ADARB2: variants seen among roughly 807,000 people sequenced by gnomAD.
ADARB2 encodes the protein adenosine deaminase RNA specific B2 (inactive).
Under a neutral mutation model 62.2 loss-of-function variants are expected in ADARB2, and 25 were observed. The observed-to-expected ratio is 0.40, with a 90% CI of 0.29 to 0.56. The LOEUF (loss-of-function observed/expected upper bound fraction) is 0.56, where lower values mean the gene tolerates loss of function less well. Among genes scored for constraint, ADARB2 ranks in the 20% least tolerant of loss-of-function variants. The pLI is 0.43. For missense variants in ADARB2, 1,071 were observed against 1,077.4 expected, an observed-to-expected ratio of 0.99 and a Z score of 0.08; for synonymous variants, 572 against 500.8, an observed-to-expected ratio of 1.14 and a Z score of -1.90.
At chr10:1,285,781 A>G (rs1467171311) in intron 3 of ADARB2, among the ~76,000 whole-genome samples, 2 of 152,194 alleles carry the variant, frequency 1.3e-5, no homozygotes, top group Non-Finnish European at 2.9e-5. Flanking sequence ...CTCATTTCCA[A>G]CACTAATATT....
chr10:1,589,662 A>C (rs1833226627), intron 1 of ADARB2, among the ~76,000 whole-genome samples: 1 of 152,044 alleles, frequency 6.6e-6, no homozygotes, highest in South Asian at 2.1e-4. Flanking sequence ...CCCATGTTTC[A>C]GGAGGTTTTT....
At chr10:1,642,795 T>G (rs948409865) in intron 1 of ADARB2, among the ~76,000 whole-genome samples, 4 of 151,666 alleles carry the variant, frequency 2.6e-5, no homozygotes, top group Non-Finnish European at 5.9e-5. Flanking sequence ...CCACTCACAC[T>G]CAGTATTCAG....
At position 1,664,559 on chromosome 10, in the gene ADARB2, T is replaced by C. The variant is rs1834290260; in HGVS notation, c.100+72492A>G. Among the ~76,000 whole-genome samples the C allele has an allele frequency of 2.0e-5, 3 of 152,198 alleles. No homozygotes were observed. In the South Asian group the frequency reaches 6.2e-4, roughly 32 times the overall value. On this transcript the variant is annotated intron_variant, in intron 1 of 9. Coordinates refer to ENST00000381312, the MANE Select transcript of ADARB2 (RefSeq NM_018702.4). ...CATTTCACGAATGGCCTTTAGCAGT[T>C]GGTAAGAAGAATTGCTGTTTACGGC... is the stretch of plus-strand genomic sequence containing the variant.
chr10:1,194,980 A>G (rs1455851232), intron 8 of ADARB2, among the ~76,000 whole-genome samples: 3 of 152,206 alleles, frequency 2.0e-5, no homozygotes, highest in Admixed American at 2.0e-4. Context: ...CTAATGAGTA[A>G]GAGGACCATC....
chr10:1,412,539 G>A (rs1245125521), intron 1 of ADARB2, among the ~76,000 whole-genome samples: 1 of 152,078 alleles, frequency 6.6e-6, no homozygotes, highest in Non-Finnish European at 1.5e-5. Context: ...GTCCAAAACA[G>A]CAGAAAATAT....
chr10:1,224,874 GA>G lies in ADARB2; in HGVS notation c.1514-7756del, dbSNP rs1296017759. Among the ~76,000 whole-genome samples the G allele has an allele frequency of 4.6e-5, 7 of 152,238 alleles. No homozygotes were observed. The East Asian group carries it at 1.2e-3, about 25-fold the overall frequency. The stretch of plus-strand genomic sequence containing the variant: ...TTTGGAGTAGGTGTGGTGTGGTGCT[GA>G]AAAAAATGTATATTCTGTTGATTTG... On this transcript the variant is annotated intron_variant, in intron 6 of 9. Coordinates refer to ENST00000381312, the MANE Select transcript of ADARB2 (RefSeq NM_018702.4).
chr10:1,562,402 CG>C (rs1268319069), intron 1 of ADARB2, among the ~76,000 whole-genome samples: 3 of 152,140 alleles, frequency 2.0e-5, no homozygotes, highest in African/African-American at 7.2e-5. Context: ...CTCCTAGTTA[CG>C]AGCCTCACTC....
intron 3 of ADARB2, among the ~76,000 whole-genome samples, chr10:1,326,433 A>C (rs569493952): frequency 1.4e-4 from 21 of 152,356 alleles, no homozygotes; most frequent in African/African-American, 4.8e-4. Flanking sequence ...CTGGCAGGAA[A>C]GGCGAGACCC....
chr10:1,632,345 A>G (rs1007177408), intron 1 of ADARB2, among the ~76,000 whole-genome samples: 1 of 152,088 alleles, frequency 6.6e-6, no homozygotes, highest in African/African-American at 2.4e-5. Context: ...ACACATGCAC[A>G]CACAGTACAC....
At chr10:1,602,889 G>C (rs960928915) in intron 1 of ADARB2, among the ~76,000 whole-genome samples, 2 of 150,794 alleles carry the variant, frequency 1.3e-5, no homozygotes, top group Non-Finnish European at 3.0e-5. Flanking sequence ...ACACACACTT[G>C]TACATACACA....
intron 1 of ADARB2, among the ~76,000 whole-genome samples, chr10:1,696,994 C>G (rs1013263934): frequency 1.3e-5 from 2 of 151,690 alleles, no homozygotes; most frequent in African/African-American, 2.4e-5. Context: ...AGCTTATTAG[C>G]TATCGTTAAT....
At chr10:1,388,025 T>C (rs1832538944) in intron 1 of ADARB2, among the ~76,000 whole-genome samples, 1 of 152,044 alleles carries the variant, frequency 6.6e-6, no homozygotes. Context: ...GAAAAAACAT[T>C]TGAGAAAGAC....
intron 3 of ADARB2, among the ~76,000 whole-genome samples, chr10:1,322,503 G>A (rs1204850220): frequency 6.6e-6 from 1 of 152,170 alleles, no homozygotes; most frequent in African/African-American, 2.4e-5. Flanking sequence ...TACCAGATTG[G>A]AGAATGATGA....
chr10:1,602,413 G>A (rs1221464018), intron 1 of ADARB2, among the ~76,000 whole-genome samples: 2 of 152,144 alleles, frequency 1.3e-5, no homozygotes, highest in Non-Finnish European at 2.9e-5. Context: ...AATGGCTCCC[G>A]ATGACAGGCC....
intron 3 of ADARB2, among the ~76,000 whole-genome samples, chr10:1,303,469 G>C (rs1465235173): frequency 6.6e-6 from 1 of 152,234 alleles, no homozygotes; most frequent in Non-Finnish European, 1.5e-5. Context: ...ATATTATCCA[G>C]GAGAATTTCC....
intron 1 of ADARB2, among the ~76,000 whole-genome samples, chr10:1,435,527 C>T (rs1472029920): frequency 6.6e-6 from 1 of 152,180 alleles, no homozygotes; most frequent in African/African-American, 2.4e-5. Context: ...TGTCTGAGGG[C>T]GGAGCCTTCA....
intron 3 of ADARB2, among the ~76,000 whole-genome samples, chr10:1,355,424 C>G (rs1238039811): frequency 2.0e-5 from 3 of 152,204 alleles, no homozygotes; most frequent in Non-Finnish European, 1.5e-5. Context: ...GGACTCAGGT[C>G]TCCGGAAACT....
chr10:1,680,472 T>A (rs958392657), intron 1 of ADARB2, among the ~76,000 whole-genome samples: 2 of 152,110 alleles, frequency 1.3e-5, no homozygotes, highest in African/African-American at 4.8e-5. Context: ...CTGGTCCCCA[T>A]CACCTGCCAG....
Position 1,363,579 on chromosome 10 carries a change from T to C in ADARB2, c.526A>G (p.Lys176Glu), listed in dbSNP as rs747035263. 1.6e-5 allele frequency: 25 copies of C among 1,586,280 alleles called. No homozygotes were observed. In the South Asian group the frequency reaches 2.6e-4, roughly 16 times the overall value. ...AGCTCCGCCGCGCGCATCTTGGCCT[T>C]CTTCTTGGTGGGGCCTGTGCCCTCG... The part of the protein sequence containing the change: ...TFEGTGPTKK[K>E]AKMRAAELAL... Residue 176 changes from lysine (K) to glutamate (E), a missense_variant, in exon 3 of 10, where the codon AAG becomes GAG. By Grantham distance (56) the Lys-to-Glu change is moderately conservative. Transcript: ENST00000381312.
Sources: allele counts gnomAD v4.1 joint callset (sites outside exome capture counted in the v4.1 genomes callset), GRCh38; gene constraint gnomAD v4.1.1; transcripts MANE v1.5; gene names NCBI Gene and HGNC (gene_info 2026-07-23, HGNC 2026-07-21).